The following CNDP1 variants were observed in gnomAD, a reference collection of about 807,000 sequenced individuals.
CNDP1 encodes the protein beta-Ala-His dipeptidase.
CNDP1 carries 44 observed loss-of-function variants against 58.1 expected under a neutral mutation model. The ratio of observed to expected loss-of-function variants is 0.76; its 90% CI spans 0.60 to 0.97. The LOEUF is 0.97. Ranked by LOEUF, CNDP1 falls within the 50% of genes least tolerant of loss-of-function variation. CNDP1 has a pLI of 0.00. For missense variants in CNDP1, 616 were observed against 655.1 expected, an observed-to-expected ratio of 0.94 and a Z score of 0.65; for synonymous variants, 254 against 252.6, an observed-to-expected ratio of 1.01 and a Z score of -0.05.
chr18:74,567,532 C>T, intron 6 of CNDP1, 99 bp downstream of exon 6: 1 of 1,103,774 alleles, frequency 9.1e-7, no homozygotes, highest in South Asian at 1.4e-5. Flanking sequence ...AGAAAGCTTT[C>T]CTGAGGGCAG....
At chr18:74,548,153 C>T (rs543780544) in intron 1 of CNDP1, among the ~76,000 whole-genome samples, 12 of 152,300 alleles carry the variant, frequency 7.9e-5, no homozygotes, top group East Asian at 1.9e-4. Context: ...AATAACCTTT[C>T]GACATCCCTA....
intron 6 of CNDP1, among the ~76,000 whole-genome samples, chr18:74,569,503 G>T (rs1981415866): frequency 6.6e-6 from 1 of 152,184 alleles, no homozygotes; most frequent in Non-Finnish European, 1.5e-5. Context: ...AAGCATTCCA[G>T]AGTTTTAGGT....
intron 6 of CNDP1, among the ~76,000 whole-genome samples, chr18:74,570,726 G>T (rs1380197793): frequency 6.6e-6 from 1 of 152,162 alleles, no homozygotes; most frequent in African/African-American, 2.4e-5. Context: ...CTTTAGAGGT[G>T]GAGGAAGAAG....
chr18:74,574,750 T>C (rs1357298454), intron 7 of CNDP1: 1 of 152,204 alleles, frequency 6.6e-6, no homozygotes, highest in Non-Finnish European at 1.5e-5. Context: ...ATGGGATCTG[T>C]GAAGCAGCAT....
At chr18:74,579,187 TTCC>T (rs1286522393) in intron 9 of CNDP1, among the ~76,000 whole-genome samples, 1 of 78,438 alleles carries the variant, frequency 1.3e-5, no homozygotes, top group Non-Finnish European at 2.8e-5. Flanking sequence ...CCTTCTCCCT[TTCC>T]TTCCCTTCCC....
chr18:74,561,098 G>A (rs983100983), intron 4 of CNDP1, 80 bp downstream of exon 4: 18 of 1,537,284 alleles, frequency 1.2e-5, no homozygotes, highest in Non-Finnish European at 1.5e-5. Flanking sequence ...TCTGTCCCTG[G>A]GTTTTGGGTC....
chr18:74,553,180 T>C (rs1980952736), intron 1 of CNDP1, among the ~76,000 whole-genome samples: 1 of 152,240 alleles, frequency 6.6e-6, no homozygotes, highest in Non-Finnish European at 1.5e-5. Context: ...ACATAAGTCC[T>C]TTATCAGATA....
chr18:74,549,977 A>ACT (rs1380987088), intron 1 of CNDP1, among the ~76,000 whole-genome samples: 9 of 152,244 alleles, frequency 5.9e-5, no homozygotes, highest in African/African-American at 2.2e-4. Flanking sequence ...GCCAGCCTCT[A>ACT]CCTAGATTTC....
chr18:74,535,450 A>G (rs1025542132), intron 1 of CNDP1, among the ~76,000 whole-genome samples: 1 of 152,204 alleles, frequency 6.6e-6, no homozygotes, highest in African/African-American at 2.4e-5. Context: ...TGGTGACCTG[A>G]CCACAGCCGG....
chr18:74,559,560 C>A, intron 3 of CNDP1, 88 bp downstream of exon 3: 1 of 1,290,884 alleles, frequency 7.7e-7, no homozygotes, highest in South Asian at 1.4e-5. Context: ...GAGGCTCACC[C>A]TGATCCTCAA....
At chr18:74,565,820 A>T (rs1311150563) in intron 5 of CNDP1, among the ~76,000 whole-genome samples, 4 of 152,176 alleles carry the variant, frequency 2.6e-5, no homozygotes, top group African/African-American at 9.7e-5. Flanking sequence ...CTCTTCTCAC[A>T]GCTCCACTAG....
chr18:74,578,111 G>A lies in CNDP1; in HGVS notation c.1003-52G>A. On this transcript the variant is annotated intron_variant, in intron 8 of 11. Coordinates refer to ENST00000358821, the MANE Select transcript of CNDP1 (RefSeq NM_032649.6). Reference sequence around the variant, plus strand: ...AGAGGGTGGTAACACAAGCAACCCAGGTCCACTGGGTTCTAATTAAGCATC... The same window carrying A: ...AGAGGGTGGTAACACAAGCAACCCAAGTCCACTGGGTTCTAATTAAGCATC... 5 of 1,548,092 alleles carry A rather than the reference G, an allele frequency of 3.2e-6. No individual in the cohort carries two copies. The South Asian group carries it at 6.0e-5, about 19-fold the overall frequency.
At chr18:74,572,543 T>A (rs528252492) in intron 7 of CNDP1, among the ~76,000 whole-genome samples, 43 of 152,192 alleles carry the variant, frequency 2.8e-4, no homozygotes, top group African/African-American at 1.0e-3. Context: ...ATCCCAGCAC[T>A]TTGGGAGGCC....
Sources: allele counts gnomAD v4.1 joint callset (sites outside exome capture counted in the v4.1 genomes callset), GRCh38; gene constraint gnomAD v4.1.1; transcripts MANE v1.5; gene names NCBI Gene and HGNC (gene_info 2026-07-23, HGNC 2026-07-21).